ZFAND3: variants seen among roughly 807,000 people sequenced by gnomAD.
ZFAND3 encodes zinc finger AN1-type containing 3.
Under a neutral mutation model 29.6 loss-of-function variants are expected in ZFAND3, and 10 were observed. The ratio of observed to expected loss-of-function variants is 0.34; its 90% CI spans 0.21 to 0.57. ZFAND3 has a LOEUF of 0.57. ZFAND3 is among the 20% of genes least tolerant of loss of function. The probability of loss-of-function intolerance (pLI) is 0.86; values close to 1 mark genes in which losing one functional copy is unlikely to be tolerated. For missense variants in ZFAND3, 230 were observed against 304.5 expected, an observed-to-expected ratio of 0.76 and a Z score of 1.82; for synonymous variants, 128 against 112.6, an observed-to-expected ratio of 1.14 and a Z score of -0.87.
intron 2 of ZFAND3, among the ~76,000 whole-genome samples, chr6:38,000,444 A>G (rs1258735086): frequency 2.0e-5 from 3 of 152,194 alleles, no homozygotes; most frequent in Admixed American, 2.0e-4. Context: ...ATGGACTCAC[A>G]TTTTGGCATG....
intron 1 of ZFAND3, among the ~76,000 whole-genome samples, chr6:37,856,945 T>C (rs1321513563): frequency 7.6e-6 from 1 of 130,768 alleles, no homozygotes; most frequent in African/African-American, 2.6e-5. Context: ...TGTTTAACTC[T>C]TGACCTTTTT....
chr6:37,930,236 A>G (rs182644331), intron 2 of ZFAND3, among the ~76,000 whole-genome samples: 1 of 152,138 alleles, frequency 6.6e-6, no homozygotes, highest in East Asian at 1.9e-4. Flanking sequence ...CACCAAACAA[A>G]CTTTCCTTGG....
intron 2 of ZFAND3, among the ~76,000 whole-genome samples, chr6:37,934,273 C>A (rs1000665576): frequency 1.3e-5 from 2 of 151,860 alleles, no homozygotes; most frequent in African/African-American, 4.8e-5. Context: ...GCCTCTGCCT[C>A]CCGGGTTCAA....
Position 37,819,828 on chromosome 6 carries a change from C to CG in ZFAND3, c.-118_-117insG. 1.3e-5 allele frequency: 8 copies of CG among 610,626 alleles called. No individual in the cohort carries two copies. The highest frequency in any genetic ancestry group is 1.7e-5 in the Non-Finnish European group (8 of 463,558). 37.8% of individuals were successfully genotyped at this position (610,626 alleles called of 1,614,324 possible). A position where few individuals can be genotyped will look rare whatever the true frequency, so the allele number is the denominator to read the frequency against. ...CTCGCGCCCGCCCGCGCGCCCGCTC[C>CG]TTCCCCCTCCCCCCGCCCCGAGCCC... On this transcript the variant is annotated 5_prime_UTR_variant, in exon 1 of 6. Coordinates refer to ENST00000287218, the MANE Select transcript of ZFAND3 (RefSeq NM_021943.3).
Position 37,934,206 on chromosome 6 carries a change from G to A in ZFAND3, c.112+4207G>A, listed in dbSNP as rs1038191291. Among the ~76,000 whole-genome samples the A allele has an allele frequency of 1.0e-3, 155 of 149,386 alleles. 2 individuals carry two copies. Among genetic ancestry groups the A allele is most frequent in the African/African-American group, 3.3e-3 (132 of 40,570 alleles). ...CCCGGCCCTTTTTTTTTTTTGAGAC[G>A]GAATCTGGCTCTGTAGCCCTGGCTG... On this transcript the variant is annotated intron_variant, in intron 2 of 5. Coordinates refer to ENST00000287218, the MANE Select transcript of ZFAND3 (RefSeq NM_021943.3).
chr6:38,107,152 A>C (rs1458267474), intron 4 of ZFAND3, among the ~76,000 whole-genome samples: 1 of 152,166 alleles, frequency 6.6e-6, no homozygotes, highest in African/African-American at 2.4e-5. Flanking sequence ...TGGAAAGGAG[A>C]TAATTGGAAG....
chr6:37,973,879 C>T (rs1033071835), intron 2 of ZFAND3, among the ~76,000 whole-genome samples: 13 of 152,152 alleles, frequency 8.5e-5, no homozygotes, highest in South Asian at 6.2e-4. Context: ...TCACCTTTGA[C>T]GAGCAATACA....
At chr6:38,013,465 T>C (rs1763196738) in intron 2 of ZFAND3, among the ~76,000 whole-genome samples, 1 of 152,232 alleles carries the variant, frequency 6.6e-6, no homozygotes, top group Non-Finnish European at 1.5e-5. Context: ...GTTGTAGTTA[T>C]TTGTGTGTAT....
At chr6:38,047,355 C>T (rs1396077629) in intron 2 of ZFAND3, among the ~76,000 whole-genome samples, 1 of 151,842 alleles carries the variant, frequency 6.6e-6, no homozygotes, top group Non-Finnish European at 1.5e-5. Flanking sequence ...TCTTTCAAAC[C>T]CAATCTGACT....
chr6:38,040,514 G>A (rs28740822), intron 2 of ZFAND3, among the ~76,000 whole-genome samples: 13,435 of 152,048 alleles, frequency 0.088, 778 homozygotes, highest in East Asian at 0.29. Flanking sequence ...TTCCATGTAC[G>A]TATCTTTTTA....
chr6:38,118,675 A>G (rs995082085), intron 5 of ZFAND3, among the ~76,000 whole-genome samples: 2 of 150,898 alleles, frequency 1.3e-5, no homozygotes, highest in African/African-American at 4.9e-5. Flanking sequence ...ACTGAGATCT[A>G]AAGATGTAAC....
chr6:38,144,188 T>TATA (rs1461467646), intron 5 of ZFAND3, among the ~76,000 whole-genome samples: 4 of 38,864 alleles, frequency 1.0e-4, no homozygotes, highest in East Asian at 6.9e-4. Context: ...ATATATAATA[T>TATA]ATATATATAT....
chr6:38,128,031 C>G (rs7450661), intron 5 of ZFAND3, among the ~76,000 whole-genome samples: 1 of 152,340 alleles, frequency 6.6e-6, no homozygotes, highest in South Asian at 2.1e-4. Context: ...AGTTCAGCCT[C>G]TAAAACCTTG....
At chr6:37,907,846 A>G (rs1474979852) in intron 1 of ZFAND3, among the ~76,000 whole-genome samples, 2 of 152,314 alleles carry the variant, frequency 1.3e-5, no homozygotes, top group African/African-American at 2.4e-5. Flanking sequence ...TTCTATAAAT[A>G]TACCTTTTCC....
intron 2 of ZFAND3, among the ~76,000 whole-genome samples, chr6:37,997,602 G>C (rs1486359350): frequency 6.6e-6 from 1 of 152,178 alleles, no homozygotes; most frequent in Non-Finnish European, 1.5e-5. Flanking sequence ...ATAGCTGTTG[G>C]GGTAAGCTTG....
intron 4 of ZFAND3, among the ~76,000 whole-genome samples, chr6:38,089,118 C>G (rs1420637319): frequency 6.6e-6 from 1 of 151,176 alleles, no homozygotes; most frequent in Non-Finnish European, 1.5e-5. Context: ...TCTTGACTCA[C>G]TTCTTTTTTT....
intron 4 of ZFAND3, among the ~76,000 whole-genome samples, chr6:38,111,447 A>G (rs1197811368): frequency 3.3e-5 from 5 of 152,194 alleles, no homozygotes; most frequent in Middle Eastern, 3.2e-3. Flanking sequence ...CTTGAACAAC[A>G]TGGGTTTCAA....
intron 4 of ZFAND3, among the ~76,000 whole-genome samples, chr6:38,086,555 G>A (rs933405949): frequency 6.6e-6 from 1 of 152,172 alleles, no homozygotes; most frequent in Non-Finnish European, 1.5e-5. Context: ...CAACATTCCT[G>A]CCAAGAACAA....
chr6:37,989,067 T>C (rs1475637048), intron 2 of ZFAND3, among the ~76,000 whole-genome samples: 1 of 152,070 alleles, frequency 6.6e-6, no homozygotes, highest in African/African-American at 2.4e-5. Context: ...CCACCATGCC[T>C]GGCTAATTTT....
Sources: gnomAD v4.1 joint callset for allele counts (sites outside exome capture counted in the v4.1 genomes callset) on GRCh38, gnomAD v4.1.1 for gene constraint, MANE v1.5 for transcripts, NCBI Gene and HGNC (gene_info 2026-07-23, HGNC 2026-07-21) for gene names.